Variants in TMEM74 observed in about 807,000 individuals in gnomAD.
TMEM74 encodes the protein transmembrane protein 74.
Under a neutral mutation model 18.1 loss-of-function variants are expected in TMEM74, and 13 were observed. That is an observed-to-expected ratio of 0.72 (90% CI 0.47 to 1.14). TMEM74 has a LOEUF of 1.14. Among genes scored for constraint, TMEM74 ranks in the 50% most tolerant of loss-of-function variants. The pLI is 0.00. For missense variants in TMEM74, 372 were observed against 375.9 expected, an observed-to-expected ratio of 0.99 and a Z score of 0.09; for synonymous variants, 159 against 146.6, an observed-to-expected ratio of 1.08 and a Z score of -0.61.
chr8:108,785,779 C>T (rs1464686202), intron 1 of TMEM74, among the ~76,000 whole-genome samples: 3 of 152,178 alleles, frequency 2.0e-5, no homozygotes, highest in Admixed American at 6.5e-5. Context: ...CTCATACATC[C>T]AATGACCCTA....
intron 1 of TMEM74, among the ~76,000 whole-genome samples, chr8:108,698,053 G>C (rs1813298709): frequency 6.6e-6 from 1 of 152,062 alleles, no homozygotes. Flanking sequence ...ACGAAAGTCT[G>C]TGTCCTGCCT....
intron 2 of TMEM74, among the ~76,000 whole-genome samples, chr8:108,630,599 T>C (rs892028701): frequency 6.6e-6 from 1 of 151,692 alleles, no homozygotes; most frequent in African/African-American, 2.4e-5. Context: ...CCTCAGCAAA[T>C]GCAAGGAAAT....
intron 2 of TMEM74, among the ~76,000 whole-genome samples, chr8:108,638,068 G>A (rs980134971): frequency 6.6e-6 from 1 of 152,034 alleles, no homozygotes; most frequent in East Asian, 1.9e-4. Flanking sequence ...GCACTTCTAC[G>A]TGCATGTCTT....
In TMEM74 at chr8:108,770,916, A is replaced by C. The variant is rs75142765; in HGVS notation, n.119+16560T>G. Among the ~76,000 whole-genome samples the C allele has an allele frequency of 2.2e-3, 333 of 152,198 alleles. 1 individual carries two copies. Among genetic ancestry groups the C allele is most frequent in the African/African-American group, 7.7e-3 (319 of 41,542 alleles). On this transcript the variant is annotated intron_variant and non_coding_transcript_variant, in intron 1 of 3. Coordinates refer to the TMEM74 transcript ENST00000518838. ...CCCCTACCCTCCACATGAAGACATG[A>C]GCTGTTCAGAGGAGAATCAATCCCA...
At chr8:108,755,971 T>G (rs1398580093) in intron 1 of TMEM74, among the ~76,000 whole-genome samples, 1 of 152,048 alleles carries the variant, frequency 6.6e-6, no homozygotes, top group Non-Finnish European at 1.5e-5. Flanking sequence ...TCTTCTTATT[T>G]TACGTTTGCC....
downstream of TMEM74, among the ~76,000 whole-genome samples, chr8:108,777,994 T>A (rs1814251741): frequency 6.6e-6 from 1 of 152,174 alleles, no homozygotes; most frequent in Non-Finnish European, 1.5e-5. Flanking sequence ...AATTTTTTTT[T>A]AAGCATTTAA....
At chr8:108,757,889 G>A (rs1375374067) in intron 1 of TMEM74, among the ~76,000 whole-genome samples, 2 of 151,928 alleles carry the variant, frequency 1.3e-5, no homozygotes, top group African/African-American at 2.4e-5. Context: ...AAGCTTTGAT[G>A]TCCTGAAGTC....
At chr8:108,643,059 A>G (rs981032555) in intron 2 of TMEM74, among the ~76,000 whole-genome samples, 1 of 152,204 alleles carries the variant, frequency 6.6e-6, no homozygotes, top group Non-Finnish European at 1.5e-5. Context: ...AAAGACTGGC[A>G]TGGCTCCTGC....
At chr8:108,685,876 C>T (rs1813162455) in intron 1 of TMEM74, among the ~76,000 whole-genome samples, 1 of 151,836 alleles carries the variant, frequency 6.6e-6, no homozygotes. Context: ...AACTAAATAG[C>T]AATAAAATTA....
downstream of TMEM74, among the ~76,000 whole-genome samples, chr8:108,776,765 A>ATG (rs1554578526): frequency 6.6e-5 from 10 of 150,984 alleles, no homozygotes; most frequent in African/African-American, 2.4e-4. Flanking sequence ...GATGATGATG[A>ATG]AGGAAGGGAG....
chr8:108,733,483 G>A (rs898275101), intron 1 of TMEM74, among the ~76,000 whole-genome samples: 1 of 152,120 alleles, frequency 6.6e-6, no homozygotes, highest in Non-Finnish European at 1.5e-5. Context: ...GGCTTCTAGG[G>A]AATGAGGGAG....
chr8:108,728,158 G>A (rs1441076143), intron 1 of TMEM74, among the ~76,000 whole-genome samples: 3 of 152,110 alleles, frequency 2.0e-5, no homozygotes, highest in Non-Finnish European at 2.9e-5. Flanking sequence ...CTGCAAATGG[G>A]GCTTTTTTAA....
intron 1 of TMEM74, among the ~76,000 whole-genome samples, chr8:108,673,245 T>C (rs1238298156): frequency 6.6e-6 from 1 of 152,226 alleles, no homozygotes; most frequent in African/African-American, 2.4e-5. Flanking sequence ...ATCATGGAAG[T>C]TGATCTTACC....
At chr8:108,666,124 A>T (rs1563744343) in intron 1 of TMEM74, among the ~76,000 whole-genome samples, 1 of 152,188 alleles carries the variant, frequency 6.6e-6, no homozygotes, top group Non-Finnish European at 1.5e-5. Context: ...GGTCTCATTT[A>T]TTTGGACTGA....
At chr8:108,647,300 C>T (rs138804609) in intron 2 of TMEM74, among the ~76,000 whole-genome samples, 75 of 152,216 alleles carry the variant, frequency 4.9e-4, no homozygotes, top group African/African-American at 1.7e-3. Context: ...GACTGGCCAC[C>T]CAGATGAAGA....
At chr8:108,616,321 A>G (rs1812383037) in intron 2 of TMEM74, among the ~76,000 whole-genome samples, 1 of 152,210 alleles carries the variant, frequency 6.6e-6, no homozygotes, top group Non-Finnish European at 1.5e-5. Flanking sequence ...GTAAACAAAT[A>G]AAGAACAGTA....
At chr8:108,787,274 G>GCCCCAAGCACCTGGCAGCGGTT (rs997868300) in intron 1 of TMEM74, among the ~76,000 whole-genome samples, 5 of 152,286 alleles carry the variant, frequency 3.3e-5, no homozygotes, top group Admixed American at 2.6e-4. Flanking sequence ...TGGCAGCGGT[G>GCCCCAAGCACCTGGCAGCGGTT]CCCCCAGCAG....
At chr8:108,750,215 C>T (rs1187693465) in intron 1 of TMEM74, among the ~76,000 whole-genome samples, 1 of 152,162 alleles carries the variant, frequency 6.6e-6, no homozygotes, top group Non-Finnish European at 1.5e-5. Context: ...GAACATTCCA[C>T]AGTAAAGTGA....
chr8:108,704,852 G>A (rs1330361471), intron 1 of TMEM74, among the ~76,000 whole-genome samples: 1 of 152,146 alleles, frequency 6.6e-6, no homozygotes, highest in East Asian at 1.9e-4. Context: ...AAAATAAAGG[G>A]GAGTACAAGT....
Sources: gnomAD v4.1 joint callset for allele counts (sites outside exome capture counted in the v4.1 genomes callset) on GRCh38, gnomAD v4.1.1 for gene constraint, MANE v1.5 for transcripts, NCBI Gene and HGNC (gene_info 2026-07-23, HGNC 2026-07-21) for gene names.